The following INVS variants were observed in gnomAD, a reference collection of about 807,000 sequenced individuals.
The protein encoded by INVS is inversion of embryo turning homolog.
A neutral mutation model predicts 108.8 loss-of-function variants in INVS; 86 were observed. The ratio of observed to expected loss-of-function variants is 0.79; its 90% CI spans 0.66 to 0.95. The LOEUF (loss-of-function observed/expected upper bound fraction) is 0.95. Ranked by LOEUF, INVS falls within the 40% of genes least tolerant of loss-of-function variation. INVS has a pLI of 0.00. For missense variants in INVS, 1,169 were observed against 1,297.4 expected (o/e 0.90, Z 1.52); for synonymous variants, 455 against 473.5 (o/e 0.96, Z 0.51).
intron 3 of INVS, among the ~76,000 whole-genome samples, chr9:100,164,032 A>G (rs79238779): frequency 0.027 from 4,046 of 152,310 alleles, 75 homozygotes; most frequent in Non-Finnish European, 0.038. Context: ...CTAATTAGGA[A>G]GCTGAGAGTT....
chr9:100,299,594 T>C (rs1306639049), intron 16 of INVS, among the ~76,000 whole-genome samples: 2 of 98,204 alleles, frequency 2.0e-5, no homozygotes, highest in Admixed American at 2.1e-4. Flanking sequence ...ACACACAGCC[T>C]TGCAAACCAC....
At chr9:100,231,096 C>T (rs533345779) in intron 5 of INVS, among the ~76,000 whole-genome samples, 15 of 152,154 alleles carry the variant, frequency 9.9e-5, no homozygotes, top group African/African-American at 3.4e-4. Context: ...TTATTTGTTT[C>T]GAATATTTAT....
At chr9:100,185,327 A>G (rs1830020872) in intron 3 of INVS, among the ~76,000 whole-genome samples, 2 of 151,736 alleles carry the variant, frequency 1.3e-5, no homozygotes, top group Non-Finnish European at 2.9e-5. Context: ...CACAGTCAGG[A>G]CATAAAACAT....
At chr9:100,125,067 T>C (rs1364010221) in intron 2 of INVS, among the ~76,000 whole-genome samples, 3 of 152,234 alleles carry the variant, frequency 2.0e-5, no homozygotes, top group African/African-American at 7.2e-5. Context: ...CTATCTTGAT[T>C]CTGACCAGTT....
intron 3 of INVS, among the ~76,000 whole-genome samples, chr9:100,197,823 C>A (rs766119442): frequency 6.6e-6 from 1 of 152,100 alleles, no homozygotes; most frequent in Non-Finnish European, 1.5e-5. Context: ...CAAGGTAGGT[C>A]AGAGAATTTC....
In INVS at chr9:100,246,755, A is replaced by G; in HGVS notation, c.1046A>G (p.Asp349Gly). ...ATGCTGAGCTTAAAATCGGACATAG[A>G]TATTAACATGGCTGACAAATATGGA... is the stretch of plus-strand genomic sequence containing the variant. ...RTMLSLKSDI[D>G]INMADKYGGT... The change falls in exon 8 of 17, where the codon GAT becomes GGT. Residue 349 changes from aspartate to glycine, a missense_variant. By Grantham distance (94) the Asp-to-Gly change is moderately conservative. Transcript: ENST00000262457. 6.2e-7 allele frequency: 1 copy of G among 1,614,096 alleles called. No individual in the cohort carries two copies. Among genetic ancestry groups the G allele is most frequent in the South Asian group, 1.1e-5 (1 of 91,082 alleles).
intron 3 of INVS, among the ~76,000 whole-genome samples, chr9:100,184,226 C>T (rs916336152): frequency 6.6e-6 from 1 of 151,970 alleles, no homozygotes; most frequent in Non-Finnish European, 1.5e-5. Flanking sequence ...AGGTAGAAAC[C>T]AGACAGTAAT....
chr9:100,270,661 T>G (rs992376875), intron 11 of INVS, among the ~76,000 whole-genome samples: 5 of 150,724 alleles, frequency 3.3e-5, no homozygotes, highest in Non-Finnish European at 7.4e-5. Context: ...GATGGGAGAA[T>G]TGCTTGAACC....
intron 2 of INVS, among the ~76,000 whole-genome samples, chr9:100,119,153 A>G (rs1034500032): frequency 3.0e-4 from 45 of 152,206 alleles, no homozygotes; most frequent in African/African-American, 1.0e-3. Context: ...ATATCATACA[A>G]TGTGAGTTCT....
At chr9:100,282,496 G>T (rs1285779516) in intron 12 of INVS, among the ~76,000 whole-genome samples, 1 of 152,178 alleles carries the variant, frequency 6.6e-6, no homozygotes, top group East Asian at 1.9e-4. Flanking sequence ...AGTTTCAGAA[G>T]GGGAATTTAA....
At chr9:100,109,213 G>T (rs1035394586) in intron 2 of INVS, among the ~76,000 whole-genome samples, 8 of 152,170 alleles carry the variant, frequency 5.3e-5, no homozygotes, top group Admixed American at 1.3e-4. Flanking sequence ...TCTTGGCTAA[G>T]CCATTTAATT....
intron 10 of INVS, among the ~76,000 whole-genome samples, chr9:100,257,902 C>T (rs1832475841): frequency 6.6e-6 from 1 of 152,092 alleles, no homozygotes; most frequent in Admixed American, 6.6e-5. Flanking sequence ...TTGCTCTTCT[C>T]GAGGAGTATC....
intron 10 of INVS, among the ~76,000 whole-genome samples, chr9:100,258,547 G>C (rs1251627743): frequency 1.3e-5 from 2 of 152,004 alleles, no homozygotes; most frequent in African/African-American, 2.4e-5. Context: ...GTGGTTTTAT[G>C]GTCTTTGGTC....
At chr9:100,221,492 A>T (rs1041378263) in intron 3 of INVS, among the ~76,000 whole-genome samples, 2 of 152,148 alleles carry the variant, frequency 1.3e-5, no homozygotes, top group Admixed American at 1.3e-4. Context: ...GAGAACAAAC[A>T]GGTTGGCCTT....
At chr9:100,295,840 A>G (rs1833773438) in intron 14 of INVS, among the ~76,000 whole-genome samples, 1 of 152,250 alleles carries the variant, frequency 6.6e-6, no homozygotes, top group Non-Finnish European at 1.5e-5. Flanking sequence ...CTGTGCCCAC[A>G]AGAGCAGAAG....
chr9:100,108,608 G>T (rs1221188527), intron 2 of INVS, among the ~76,000 whole-genome samples: 1 of 152,128 alleles, frequency 6.6e-6, no homozygotes, highest in East Asian at 1.9e-4. Flanking sequence ...TTCTAAACTA[G>T]TGACATAGTA....
At position 100,129,619 on chromosome 9, in the gene INVS, T is replaced by A. The variant is rs1247692643; in HGVS notation, c.273+3070T>A. The A allele has an allele frequency of 1.1e-5, 7 of 624,344 alleles. No homozygotes were observed. In the East Asian group the frequency reaches 2.0e-4, roughly 17 times the overall value. 38.7% of individuals were successfully genotyped at this position (624,344 alleles called of 1,614,324 possible). ...CCATAATGGCTTATTTTAAACTAAT[T>A]TGCCTGTCAAAAAAATCTGTAAAAA... is the stretch of plus-strand genomic sequence containing the variant. On this transcript the variant is annotated intron_variant, in intron 3 of 16. Transcript: ENST00000262457.
intron 2 of INVS, among the ~76,000 whole-genome samples, chr9:100,113,767 T>C (rs1827420665): frequency 6.6e-6 from 1 of 152,358 alleles, no homozygotes; most frequent in African/African-American, 2.4e-5. Flanking sequence ...TTTTGAAATA[T>C]GCAATACAGT....
chr9:100,167,225 CAA>C (rs368190275), intron 3 of INVS, among the ~76,000 whole-genome samples: 1 of 134,854 alleles, frequency 7.4e-6, no homozygotes, highest in Non-Finnish European at 1.6e-5. Flanking sequence ...GACTCTATCT[CAA>C]AAAAAAAAAA....
Sources: gnomAD v4.1 joint callset for allele counts (sites outside exome capture counted in the v4.1 genomes callset) on GRCh38, gnomAD v4.1.1 for gene constraint, MANE v1.5 for transcripts, NCBI Gene and HGNC (gene_info 2026-07-23, HGNC 2026-07-21) for gene names.